The following CLVS1 variants were observed in gnomAD, a reference collection of about 807,000 sequenced individuals.
CLVS1 encodes the protein clavesin-1.
Under a neutral mutation model 33.1 loss-of-function variants are expected in CLVS1, and 10 were observed. The ratio of observed to expected loss-of-function variants is 0.30; its 90% CI spans 0.19 to 0.51. The LOEUF is 0.51. Ranked by LOEUF, CLVS1 falls within the 20% of genes least tolerant of loss-of-function variation. The probability of loss-of-function intolerance (pLI) is 0.97; values close to 1 mark genes in which losing one functional copy is unlikely to be tolerated. For synonymous variants in CLVS1, 163 were observed against 166.1 expected (o/e 0.98, Z 0.14); for missense variants, 343 against 433.4 (o/e 0.79, Z 1.85).
chr8:61,290,266 A>G (rs1809937416), intron 1 of CLVS1, among the ~76,000 whole-genome samples: 1 of 152,184 alleles, frequency 6.6e-6, no homozygotes. Flanking sequence ...GTAAGCAATG[A>G]CTTTTCTTGA....
the CLVS1 span, among the ~76,000 whole-genome samples, chr8:60,991,596 G>A: frequency 9.9e-5 from 15 of 152,020 alleles, 1 homozygote; most frequent in East Asian, 7.7e-4. Flanking sequence ...CTCTTGTCTC[G>A]TGCCTGTCAG....
chr8:61,443,753 AT>A lies in CLVS1; in HGVS notation c.631-10386del, dbSNP rs199986445. On this transcript the variant is annotated intron_variant, in intron 3 of 5. Coordinates refer to ENST00000325897, the MANE Select transcript of CLVS1 (RefSeq NM_173519.3). ...TGTTTTCCATAAAAATTTTTAAATA[AT>A]TCTATCAATATCTGCAAAAATAAAA... Among the ~76,000 whole-genome samples, 549 of 152,290 alleles carry A rather than the reference AT, an allele frequency of 3.6e-3. 1 individual carries two copies. The highest frequency in any genetic ancestry group is 0.013 in the African/African-American group (538 of 41,572).
chr8:61,096,230 C>A (rs566829373), intron 1 of CLVS1, among the ~76,000 whole-genome samples: 1 of 152,334 alleles, frequency 6.6e-6, no homozygotes, highest in East Asian at 1.9e-4. Context: ...GCTCGCCCTC[C>A]AGCCGCCATT....
At chr8:61,003,486 A>G in the CLVS1 span, among the ~76,000 whole-genome samples, 1 of 152,282 alleles carries the variant, frequency 6.6e-6, no homozygotes, top group East Asian at 1.9e-4. Context: ...TTAATAAAGC[A>G]GCTCCCAGCC....
At chr8:61,494,905 C>T (rs1804215981) in intron 5 of CLVS1, among the ~76,000 whole-genome samples, 1 of 152,122 alleles carries the variant, frequency 6.6e-6, no homozygotes, top group Admixed American at 6.5e-5. Context: ...AGTAAAAAGA[C>T]TGTATGGTCA....
At chr8:61,006,944 T>C in the CLVS1 span, among the ~76,000 whole-genome samples, 1 of 152,196 alleles carries the variant, frequency 6.6e-6, no homozygotes, top group Non-Finnish European at 1.5e-5. Context: ...GTGAAATAAG[T>C]GAGTGAGAAA....
chr8:61,476,372 G>A (rs1012548770), intron 5 of CLVS1, among the ~76,000 whole-genome samples: 3 of 152,122 alleles, frequency 2.0e-5, no homozygotes, highest in Admixed American at 6.5e-5. Context: ...CGTTGAATCT[G>A]TAAATTACCT....
the CLVS1 span, among the ~76,000 whole-genome samples, chr8:61,032,425 T>A: frequency 6.6e-6 from 1 of 152,200 alleles, no homozygotes; most frequent in South Asian, 2.1e-4. Flanking sequence ...CCTTTGATAA[T>A]CTCTGTGTGT....
the CLVS1 span, chr8:60,966,309 C>A: frequency 2.2e-6 from 1 of 452,584 alleles, no homozygotes; most frequent in Admixed American, 2.4e-5. Flanking sequence ...AAGGGATCCT[C>A]AAGCAGCAGC....
At chr8:61,236,969 G>GTGT (rs1339282292) in intron 2 of CLVS1, among the ~76,000 whole-genome samples, 1 of 152,178 alleles carries the variant, frequency 6.6e-6, no homozygotes, top group Non-Finnish European at 1.5e-5. Context: ...GAACAAAGTT[G>GTGT]TGTTATTAAT....
At chr8:61,346,445 T>A (rs1479706439) in intron 2 of CLVS1, among the ~76,000 whole-genome samples, 1 of 151,870 alleles carries the variant, frequency 6.6e-6, no homozygotes, top group Admixed American at 6.6e-5. Flanking sequence ...GGGATGGGAG[T>A]CTTCTGGGGA....
chr8:61,215,900 A>T (rs1808074796), intron 2 of CLVS1, among the ~76,000 whole-genome samples: 1 of 152,132 alleles, frequency 6.6e-6, no homozygotes, highest in Non-Finnish European at 1.5e-5. Flanking sequence ...CCCCTGGGTC[A>T]TTCCACCCCT....
At chr8:61,068,961 A>C (rs1175332659) in intron 1 of CLVS1, among the ~76,000 whole-genome samples, 1 of 152,014 alleles carries the variant, frequency 6.6e-6, no homozygotes, top group Non-Finnish European at 1.5e-5. Context: ...TCCACAGTGC[A>C]GACTGAGGAA....
chr8:61,383,257 G>A (rs1431422995), intron 3 of CLVS1, among the ~76,000 whole-genome samples: 2 of 152,182 alleles, frequency 1.3e-5, no homozygotes, highest in Non-Finnish European at 2.9e-5. Context: ...CATGTGGTGT[G>A]ATCATTTTAA....
At chr8:61,285,551 G>A (rs1247293592), upstream of CLVS1, among the ~76,000 whole-genome samples, 2 of 152,108 alleles carry the variant, frequency 1.3e-5, no homozygotes, top group Non-Finnish European at 1.5e-5. Flanking sequence ...GTGAAGGCCC[G>A]GCCTGCTTAT....
chr8:61,347,556 T>C (rs1225305746), intron 2 of CLVS1, among the ~76,000 whole-genome samples: 2 of 149,298 alleles, frequency 1.3e-5, no homozygotes, highest in Non-Finnish European at 3.0e-5. Flanking sequence ...TTATCTGTTA[T>C]ACAACATGTT....
chr8:61,125,323 C>G (rs1805949208), intron 1 of CLVS1, among the ~76,000 whole-genome samples: 1 of 152,084 alleles, frequency 6.6e-6, no homozygotes, highest in Non-Finnish European at 1.5e-5. Flanking sequence ...GTTTGGGGGT[C>G]AGGGGGAAGG....
intron 3 of CLVS1, among the ~76,000 whole-genome samples, chr8:61,379,247 G>A (rs1398604847): frequency 6.6e-6 from 1 of 152,280 alleles, no homozygotes; most frequent in Non-Finnish European, 1.5e-5. Flanking sequence ...GGGGAAATAA[G>A]CAGTCCAATT....
chr8:61,359,649 C>G (rs1036609116), intron 2 of CLVS1, among the ~76,000 whole-genome samples: 46 of 152,140 alleles, frequency 3.0e-4, no homozygotes, highest in African/African-American at 9.9e-4. Flanking sequence ...AGCCACCATG[C>G]CTGGCCAGAA....
Sources: allele counts gnomAD v4.1 joint callset (sites outside exome capture counted in the v4.1 genomes callset), GRCh38; gene constraint gnomAD v4.1.1; transcripts MANE v1.5; gene names NCBI Gene and HGNC (gene_info 2026-07-23, HGNC 2026-07-21).